Variants in NDUFAF2 observed in about 807,000 individuals in gnomAD.
NDUFAF2 encodes NADH dehydrogenase [ubiquinone] 1 alpha subcomplex assembly factor 2.
NDUFAF2 carries 13 observed loss-of-function variants against 22.8 expected under a neutral mutation model. That is an observed-to-expected ratio of 0.57 (90% confidence interval 0.37 to 0.91). The LOEUF (loss-of-function observed/expected upper bound fraction) is 0.91, where lower values mean the gene tolerates loss of function less well. Among genes scored for constraint, NDUFAF2 ranks in the 40% least tolerant of loss-of-function variants. NDUFAF2 has a pLI of 0.01. For missense variants in NDUFAF2, 162 were observed against 195.2 expected, an observed-to-expected ratio of 0.83 and a Z score of 1.01; for synonymous variants, 53 against 64.2, an observed-to-expected ratio of 0.83 and a Z score of 0.84.
At chr5:60,946,092 G>A (rs2112559319) in intron 1 of NDUFAF2, among the ~76,000 whole-genome samples, 1 of 152,256 alleles carries the variant, frequency 6.6e-6, no homozygotes, top group African/African-American at 2.4e-5. Flanking sequence ...AAGTAGTTGA[G>A]CGGGTTGTTT....
chr5:61,006,854 G>T (rs1232242593), intron 1 of NDUFAF2, among the ~76,000 whole-genome samples: 1 of 152,028 alleles, frequency 6.6e-6, no homozygotes, highest in African/African-American at 2.4e-5. Flanking sequence ...TGATCATTTT[G>T]GTCAAGGCGT....
Position 61,150,132 on chromosome 5 carries a change from A to G in NDUFAF2, c.259-2572A>G, listed in dbSNP as rs980656418. ...TTTTTAGTAGAGACAGGGTTTTCCC[A>G]TGTTGGCCAGGCTGGTGTTGAACTC... On this transcript the variant is annotated intron_variant, in intron 3 of 3. Transcript: ENST00000296597. Among the ~76,000 whole-genome samples, 6 of 152,128 alleles carry G rather than the reference A, an allele frequency of 3.9e-5. No homozygotes were observed. The East Asian group carries it at 1.2e-3, about 29-fold the overall frequency.
chr5:61,049,837 C>T (rs1357817326), intron 1 of NDUFAF2, among the ~76,000 whole-genome samples: 1 of 151,070 alleles, frequency 6.6e-6, no homozygotes, highest in Non-Finnish European at 1.5e-5. Flanking sequence ...TATAAATACA[C>T]ACATACACAA....
chr5:61,078,066 AC>A (rs1180580506), intron 2 of NDUFAF2, among the ~76,000 whole-genome samples: 1 of 151,978 alleles, frequency 6.6e-6, no homozygotes, highest in African/African-American at 2.4e-5. Context: ...GCTTTTTCTG[AC>A]CTGGCCCGTC....
At chr5:61,031,551 A>T (rs1324240201) in intron 1 of NDUFAF2, among the ~76,000 whole-genome samples, 2 of 151,950 alleles carry the variant, frequency 1.3e-5, no homozygotes, top group East Asian at 3.9e-4. Context: ...TATACTGCAT[A>T]GTATTCCATG....
intron 1 of NDUFAF2, among the ~76,000 whole-genome samples, chr5:61,008,453 A>G (rs1751401539): frequency 6.6e-6 from 1 of 152,134 alleles, no homozygotes; most frequent in African/African-American, 2.4e-5. Flanking sequence ...CAAAATTTGT[A>G]TGGAGCTTTA....
chr5:60,986,323 C>T (rs1206013105), intron 1 of NDUFAF2, among the ~76,000 whole-genome samples: 1 of 152,176 alleles, frequency 6.6e-6, no homozygotes, highest in South Asian at 2.1e-4. Context: ...GAAAATCAGT[C>T]AAAACTATAC....
rs116018667 is a variant in NDUFAF2, at chr5:61,082,947, G to A, written c.217+9733G>A. ...TTTTATTAGTAGTTCTTTGAGAATCGCCAAACTGCTTTCCACTTAGGCTGA... is the reference window on the plus strand; with the variant it reads ...TTTTATTAGTAGTTCTTTGAGAATCACCAAACTGCTTTCCACTTAGGCTGA... On this transcript the variant is annotated intron_variant, in intron 2 of 3. Transcript: ENST00000296597. Among the ~76,000 whole-genome samples the A allele has an allele frequency of 6.1e-3, 928 of 152,164 alleles. 14 individuals are homozygous for A. The highest frequency in any genetic ancestry group is 8.0e-3 in the Non-Finnish European group (543 of 67,980).
At chr5:61,029,097 C>T (rs1464815375) in intron 1 of NDUFAF2, among the ~76,000 whole-genome samples, 1 of 151,972 alleles carries the variant, frequency 6.6e-6, no homozygotes, top group African/African-American at 2.4e-5. Context: ...CACTCTGACC[C>T]CCAACACCTA....
chr5:60,950,885 T>C (rs570437722), intron 1 of NDUFAF2, among the ~76,000 whole-genome samples: 60 of 152,276 alleles, frequency 3.9e-4, no homozygotes, highest in African/African-American at 1.4e-3. Flanking sequence ...ATCTTTTTAC[T>C]GTCTCTGTAG....
rs11335251 is a variant in NDUFAF2, at chr5:61,141,227, CAA to C, written c.259-11465_259-11464del. Among the ~76,000 whole-genome samples, 1,005 of 144,682 alleles carry C rather than the reference CAA, an allele frequency of 6.9e-3. 19 individuals carry two copies. The highest frequency in any genetic ancestry group is 0.018 in the Admixed American group (261 of 14,640). 94.9% of individuals were successfully genotyped at this position (144,682 alleles called of 152,430 possible). On this transcript the variant is annotated intron_variant, in intron 3 of 3. Coordinates refer to ENST00000296597, the MANE Select transcript of NDUFAF2 (RefSeq NM_174889.5). ...GGGCAAAAACAGCGAAACTCCGTCT[CAA>C]AAAAAAAAAAATTAATTAATAATAA...
At chr5:61,040,414 C>T (rs965733522) in intron 1 of NDUFAF2, among the ~76,000 whole-genome samples, 7 of 152,026 alleles carry the variant, frequency 4.6e-5, no homozygotes, top group African/African-American at 1.7e-4. Flanking sequence ...ACCCTCCCTC[C>T]CTATACTTTC....
At chr5:61,019,687 C>T (rs955881865) in intron 1 of NDUFAF2, among the ~76,000 whole-genome samples, 2 of 151,890 alleles carry the variant, frequency 1.3e-5, no homozygotes, top group East Asian at 1.9e-4. Context: ...AAACATCCAG[C>T]GTGAGCTTTA....
At chr5:61,001,619 A>G (rs1294119341) in intron 1 of NDUFAF2, among the ~76,000 whole-genome samples, 1 of 152,170 alleles carries the variant, frequency 6.6e-6, no homozygotes, top group African/African-American at 2.4e-5. Flanking sequence ...ATGACTTTAG[A>G]TATTTAGTAA....
chr5:61,008,604 T>G (rs1336483237), intron 1 of NDUFAF2, among the ~76,000 whole-genome samples: 5 of 152,116 alleles, frequency 3.3e-5, no homozygotes. Context: ...TCTTGATGCA[T>G]TGTGAGTAGT....
chr5:60,953,526 A>G (rs1750575151), intron 1 of NDUFAF2, among the ~76,000 whole-genome samples: 1 of 152,098 alleles, frequency 6.6e-6, no homozygotes, highest in Non-Finnish European at 1.5e-5. Context: ...GTTTTGTAGC[A>G]TATATGCTTC....
At chr5:61,026,334 A>C (rs1340361281) in intron 1 of NDUFAF2, among the ~76,000 whole-genome samples, 4 of 152,092 alleles carry the variant, frequency 2.6e-5, no homozygotes. Flanking sequence ...AAGGGTTTAC[A>C]CTGACCAGGA....
intron 1 of NDUFAF2, among the ~76,000 whole-genome samples, chr5:61,055,755 G>A (rs1231418634): frequency 6.6e-6 from 1 of 152,002 alleles, no homozygotes; most frequent in Admixed American, 6.5e-5. Context: ...GACTATATGT[G>A]GACACTGTTT....
intron 3 of NDUFAF2, among the ~76,000 whole-genome samples, chr5:61,136,886 G>A (rs1740970356): frequency 6.6e-6 from 1 of 152,004 alleles, no homozygotes; most frequent in African/African-American, 2.4e-5. Flanking sequence ...ATAACTCCCT[G>A]GTATTTTCAT....
Sources: gnomAD v4.1 joint callset for allele counts (sites outside exome capture counted in the v4.1 genomes callset) on GRCh38, gnomAD v4.1.1 for gene constraint, MANE v1.5 for transcripts, NCBI Gene and HGNC (gene_info 2026-07-23, HGNC 2026-07-21) for gene names.